The following WDFY3 variants were observed in gnomAD, a reference collection of about 807,000 sequenced individuals.
WDFY3 encodes WD repeat and FYVE domain-containing protein 3.
WDFY3 carries 66 observed loss-of-function variants against 409.6 expected under a neutral mutation model. The observed-to-expected ratio is 0.16, with a 90% CI of 0.13 to 0.20. The LOEUF (loss-of-function observed/expected upper bound fraction) is 0.20, where lower values mean the gene tolerates loss of function less well. WDFY3 is among the 10% of genes least tolerant of loss of function. The pLI is 1.00. For synonymous variants in WDFY3, 1,521 were observed against 1,537.1 expected, an observed-to-expected ratio of 0.99 and a Z score of 0.25; for missense variants, 3,031 against 4,298.1, an observed-to-expected ratio of 0.71 and a Z score of 8.24.
chr4:84,831,185 CAAAAA>C (rs56810528), intron 8 of WDFY3, among the ~76,000 whole-genome samples: 143 of 103,318 alleles, frequency 1.4e-3, no homozygotes, highest in African/African-American at 6.2e-3. Context: ...AGACTCCATC[CAAAAA>C]AAAAAAAAAA....
intron 67 of WDFY3, among the ~76,000 whole-genome samples, chr4:84,676,672 A>T (rs1164681914): frequency 8.5e-5 from 13 of 152,190 alleles, no homozygotes. Flanking sequence ...AACCGACAGT[A>T]GTTAAAATGA....
At chr4:84,846,444 A>T (rs762603371) in intron 5 of WDFY3, among the ~76,000 whole-genome samples, 5 of 151,994 alleles carry the variant, frequency 3.3e-5, no homozygotes, top group Non-Finnish European at 7.4e-5. Flanking sequence ...ATCTTTCATT[A>T]CATCTAAAAA....
chr4:84,725,094 C>G (rs1259963120), intron 45 of WDFY3, among the ~76,000 whole-genome samples: 10 of 152,190 alleles, frequency 6.6e-5, no homozygotes. Flanking sequence ...CTGGCCTATT[C>G]TTTCCTATAT....
chr4:84,690,844 C>T (rs1024495362), intron 60 of WDFY3, among the ~76,000 whole-genome samples, 180 bp from the exon 61 acceptor site: 6 of 152,152 alleles, frequency 3.9e-5, no homozygotes, highest in South Asian at 2.1e-4. Context: ...CTACCCCTAC[C>T]GCCTCCAAAC....
At chr4:84,757,980 C>T (rs1741745678) in intron 32 of WDFY3, among the ~76,000 whole-genome samples, 1 of 152,146 alleles carries the variant, frequency 6.6e-6, no homozygotes, top group Non-Finnish European at 1.5e-5. Flanking sequence ...TCCAGAATTC[C>T]CTCTAGAAAC....
At chr4:84,790,734 A>G (rs1338559999) in intron 21 of WDFY3, among the ~76,000 whole-genome samples, 1 of 152,212 alleles carries the variant, frequency 6.6e-6, no homozygotes, top group Non-Finnish European at 1.5e-5. Context: ...TGTCAAAAAT[A>G]CATAAGAAAC....
In WDFY3 at chr4:84,682,821, G is replaced by T; in HGVS notation, c.9727-351C>A. 3 of 217,514 alleles carry T rather than the reference G, an allele frequency of 1.4e-5. 1 individual carries two copies. The highest frequency in any genetic ancestry group is 1.4e-4 in the South Asian group (2 of 14,236). 13.5% of individuals were successfully genotyped at this position (217,514 alleles called of 1,614,324 possible). A position where few individuals can be genotyped will look rare whatever the true frequency, so the allele number is the denominator to read the frequency against. The stretch of plus-strand genomic sequence containing the variant: ...ACATGGTGAAACCCTGTCTCTACTA[G>T]AAGTACAAAAATTAGCCGGGCATAG... On this transcript the variant is annotated intron_variant, in intron 63 of 67. Coordinates refer to ENST00000295888, the MANE Select transcript of WDFY3 (RefSeq NM_014991.6).
At chr4:84,917,609 T>C (rs1458536165) in intron 2 of WDFY3, among the ~76,000 whole-genome samples, 1 of 152,106 alleles carries the variant, frequency 6.6e-6, no homozygotes, top group African/African-American at 2.4e-5. Flanking sequence ...GAGATAACCA[T>C]CTCATTCCTT....
intron 3 of WDFY3, among the ~76,000 whole-genome samples, chr4:84,893,509 A>G (rs997419340): frequency 3.9e-5 from 6 of 152,174 alleles, no homozygotes; most frequent in African/African-American, 1.4e-4. Flanking sequence ...TAGAATACAA[A>G]TGTTTTTACT....
At chr4:84,738,886 G>T in intron 40 of WDFY3, 124 bp downstream of exon 40, 1 of 810,536 alleles carries the variant, frequency 1.2e-6, no homozygotes. Context: ...TTTATGTATA[G>T]GTTGCCCTAC....
chr4:84,862,847 G>A (rs146129840), intron 3 of WDFY3, among the ~76,000 whole-genome samples: 246 of 152,258 alleles, frequency 1.6e-3, no homozygotes, highest in African/African-American at 5.3e-3. Flanking sequence ...AAAATTAGCC[G>A]GGCGTGGTGG....
At chr4:84,808,293 CCCA>C in intron 15 of WDFY3, 38 bp downstream of exon 15, 1 of 1,495,022 alleles carries the variant, frequency 6.7e-7, no homozygotes, top group Non-Finnish European at 9.2e-7. Flanking sequence ...AAAAAGGAAC[CCCA>C]CACAAATAGA....
In WDFY3 at chr4:84,789,706, A is replaced by G; in HGVS notation, c.3669+20T>C. ...ACTACCTTATAAAACAGGTAGATTT[A>G]CAAGTGCACATACACTTACCTTTAC... On this transcript the variant is annotated intron_variant, in intron 22 of 67. Coordinates refer to ENST00000295888, the MANE Select transcript of WDFY3 (RefSeq NM_014991.6). 6.2e-7 allele frequency: 1 copy of G among 1,612,592 alleles called. No homozygotes were observed. The highest frequency in any genetic ancestry group is 8.5e-7 in the Non-Finnish European group (1 of 1,178,816).
intron 13 of WDFY3, among the ~76,000 whole-genome samples, chr4:84,816,499 T>G (rs1753321649): frequency 6.6e-6 from 1 of 152,116 alleles, no homozygotes; most frequent in Admixed American, 6.5e-5. Context: ...AAGGATTAAA[T>G]AAGTAGATGC....
intron 67 of WDFY3, among the ~76,000 whole-genome samples, chr4:84,675,421 G>A (rs1204847175): frequency 6.6e-6 from 1 of 152,160 alleles, no homozygotes; most frequent in South Asian, 2.1e-4. Flanking sequence ...ATCAAATGAT[G>A]GAACACCTGT....
At chr4:84,772,628 C>T (rs1179626328) in intron 30 of WDFY3, among the ~76,000 whole-genome samples, 2 of 152,074 alleles carry the variant, frequency 1.3e-5, no homozygotes, top group Non-Finnish European at 2.9e-5. Flanking sequence ...AAGTAAAATT[C>T]ACACCCTATT....
chr4:84,854,916 AAAC>A (rs1459511891), intron 4 of WDFY3, among the ~76,000 whole-genome samples: 7 of 152,256 alleles, frequency 4.6e-5, no homozygotes, highest in Admixed American at 3.3e-4. Flanking sequence ...GGTCTCAAAC[AAAC>A]AACGACAAAA....
chr4:84,777,853 A>C (rs1194395682), intron 27 of WDFY3, among the ~76,000 whole-genome samples: 2 of 152,172 alleles, frequency 1.3e-5, no homozygotes, highest in African/African-American at 4.8e-5. Flanking sequence ...AATAACTAAC[A>C]TGCAAAGTGC....
At chr4:84,851,977 T>C (rs879492321) in intron 4 of WDFY3, among the ~76,000 whole-genome samples, 12 of 152,186 alleles carry the variant, frequency 7.9e-5, no homozygotes, top group Non-Finnish European at 1.6e-4. Flanking sequence ...AAATACAAGA[T>C]TCCTTCTTAT....
Sources: gnomAD v4.1 joint callset for allele counts (sites outside exome capture counted in the v4.1 genomes callset) on GRCh38, gnomAD v4.1.1 for gene constraint, MANE v1.5 for transcripts, NCBI Gene and HGNC (gene_info 2026-07-23, HGNC 2026-07-21) for gene names.